Variants in TRIM48 observed in about 807,000 individuals in gnomAD.
TRIM48 encodes the protein tripartite motif containing 48, also known as E3 ubiquitin-protein ligase TRIM48.
In TRIM48, 31 loss-of-function variants were observed where a neutral mutation model predicts 29.5. That is an observed-to-expected ratio of 1.05 (90% CI 0.79 to 1.42). The LOEUF is 1.42. Among genes scored for constraint, TRIM48 ranks in the 40% most tolerant of loss-of-function variants. TRIM48 has a pLI of 0.00. For missense variants in TRIM48, 344 were observed against 265.0 expected (o/e 1.30, Z -2.07); for synonymous variants, 128 against 90.6 (o/e 1.41, Z -2.34).
intron 1 of TRIM48, among the ~76,000 whole-genome samples, chr11:55,264,516 C>A (rs1480327530): frequency 6.8e-6 from 1 of 147,846 alleles, no homozygotes; most frequent in African/African-American, 2.5e-5. Flanking sequence ...TTGGCCAAGA[C>A]AGTTTTTCCC....
chr11:55,269,417 C>T (rs1857444794), intron 5 of TRIM48, 78 bp downstream of exon 5: 1 of 1,497,852 alleles, frequency 6.7e-7, no homozygotes, highest in Admixed American at 1.8e-5. Flanking sequence ...ATATTTCATC[C>T]TTTATCAAAT....
chr11:55,266,005 A>T (rs1482778056), intron 3 of TRIM48, among the ~76,000 whole-genome samples: 1 of 147,382 alleles, frequency 6.8e-6, no homozygotes, highest in African/African-American at 2.5e-5. Flanking sequence ...CTGGTTGGAT[A>T]AATGCTGGGC....
Position 55,270,888 on chromosome 11 carries a change from C to T in TRIM48, c.*453C>T, listed in dbSNP as rs764272639. 1.3e-6 allele frequency: 2 copies of T among 1,559,178 alleles called. No individual in the cohort carries two copies. The highest frequency in any genetic ancestry group is 8.7e-7 in the Non-Finnish European group (1 of 1,145,950). ...CCCCTATATACACCATCCCTAATTG[C>T]TCCTTCTCACTTCCTCTCAGACCTA... On this transcript the variant is annotated 3_prime_UTR_variant, in exon 6 of 6. Transcript: ENST00000417545.
At chr11:55,267,483 A>G (rs1857411122) in intron 3 of TRIM48, 3 of 1,579,920 alleles carry the variant, frequency 1.9e-6, no homozygotes, top group Middle Eastern at 2.3e-4. Context: ...GAAGAAGAAA[A>G]ACATAATTTG....
rs142714208 is a variant in TRIM48 at position 55,264,009 on chromosome 11, C to T, written c.45-891C>T. On this transcript the variant is annotated intron_variant, in intron 1 of 5. Coordinates refer to ENST00000417545, the MANE Select transcript of TRIM48 (RefSeq NM_024114.5). ...AGCTCACCAACTCACATGTCTCTCT[C>T]CTCCGGAAACACCTTCACAGACCCA... Among the ~76,000 whole-genome samples the T allele has an allele frequency of 3.5e-3, 527 of 152,244 alleles. 5 individuals carry two copies. Among genetic ancestry groups the T allele is most frequent in the African/African-American group, 0.012 (507 of 41,554 alleles).
At position 55,270,998 on chromosome 11, in the gene TRIM48, C is replaced by A; in HGVS notation, c.*563C>A. ...GAACCCCTTTATCCCAGAAAGCCCTCTTCCTTGTGCCTTATCAAACAGGAC... is the reference window on the plus strand; with the variant it reads ...GAACCCCTTTATCCCAGAAAGCCCTATTCCTTGTGCCTTATCAAACAGGAC... On this transcript the variant is annotated 3_prime_UTR_variant, in exon 6 of 6. Transcript: ENST00000417545. The A allele has an allele frequency of 6.6e-7, 1 of 1,505,896 alleles. No individual in the cohort carries two copies. The highest frequency in any genetic ancestry group is 8.9e-7 in the Non-Finnish European group (1 of 1,120,670). The allele number at this position is 1,505,896 out of a possible 1,614,324, so 93.3% of individuals were successfully genotyped here.
Position 55,264,947 on chromosome 11 carries a change from G to T in TRIM48, c.92G>T (p.Cys31Phe). The T allele has an allele frequency of 1.3e-6, 2 of 1,583,988 alleles. No homozygotes were observed. The highest frequency in any genetic ancestry group is 1.7e-6 in the Non-Finnish European group (2 of 1,166,194). ...ISQVFQRELTCPICMNYFIDP... is the reference protein window; with the variant it reads ...ISQVFQRELTFPICMNYFIDP... ...CAAGTCTTCCAGAGGGAACTCACCT[G>T]CCCCATCTGCATGAACTACTTCATA... Residue 31 changes from cysteine (C) to phenylalanine (F), a missense_variant, in exon 2 of 6, where the codon TGC (cysteine) becomes TTC (phenylalanine). Physicochemically the swap from Cys to Phe is radical, Grantham distance 205 (BLOSUM62 -2). Transcript: ENST00000417545.
intron 3 of TRIM48, 71 bp from the exon 4 acceptor site, chr11:55,268,279 T>C: frequency 1.5e-6 from 2 of 1,330,442 alleles, no homozygotes; most frequent in Non-Finnish European, 2.1e-6. Context: ...TGACTCCAAA[T>C]TTCACACTGA....
rs1857311787 is a variant in TRIM48 at position 55,262,202 on chromosome 11, G to C, written c.-66G>C. On this transcript the variant is annotated 5_prime_UTR_variant, in exon 1 of 6. Transcript: ENST00000417545. ...GTGCACTTAGAGGGAGCTGTGTTTT[G>C]GTGACCTCTGAAACTCAGTACTGCA... 5.4e-6 allele frequency: 7 copies of C among 1,291,886 alleles called. No homozygotes were observed. The highest frequency in any genetic ancestry group is 7.7e-6 in the Non-Finnish European group (7 of 912,194). 80.0% of individuals were successfully genotyped at this position (1,291,886 alleles called of 1,614,324 possible).
intron 4 of TRIM48, 56 bp downstream of exon 4, chr11:55,268,428 G>A: frequency 1.4e-6 from 2 of 1,474,386 alleles, no homozygotes; most frequent in Admixed American, 3.6e-5. Flanking sequence ...GAATATCAAA[G>A]CAGGCTCTAC....
At chr11:55,269,573 T>A (rs1407981232) in intron 5 of TRIM48, among the ~76,000 whole-genome samples, 1 of 147,252 alleles carries the variant, frequency 6.8e-6, no homozygotes, top group Non-Finnish European at 1.5e-5. Flanking sequence ...AGTAATGTAA[T>A]GGGAAAAAAG....
chr11:55,270,433 G>T lies in TRIM48; in HGVS notation c.*2-4G>T, dbSNP rs1294826702. On this transcript the variant is annotated splice_polypyrimidine_tract_variant and splice_region_variant and intron_variant, in intron 5 of 5. Coordinates refer to ENST00000417545, the MANE Select transcript of TRIM48 (RefSeq NM_024114.5). ...TTCTATTTATTTATTTATTTATTTT[G>T]CAGTGGATATTACTCTGCATCACAA... 8.4e-6 allele frequency: 12 copies of T among 1,431,094 alleles called. No individual in the cohort carries two copies. The Admixed American group carries it at 1.0e-4, about 12-fold the overall frequency. The allele number at this position is 1,431,094 out of a possible 1,614,324, so 88.6% of individuals were successfully genotyped here. A position where few individuals can be genotyped will look rare whatever the true frequency, so the allele number is the denominator to read the frequency against.
In TRIM48 at chr11:55,269,046, C is replaced by T. The variant is rs1370575381; in HGVS notation, c.579-196C>T. 2.7e-5 allele frequency among the ~76,000 whole-genome samples: 4 copies of T among 148,364 alleles called. 1 individual carries two copies. Among genetic ancestry groups the T allele is most frequent in the African/African-American group, 9.9e-5 (4 of 40,570 alleles). ...AAAATAAGAAACATCAGACTGAATTCTGACTCAGACTCTCCCACTATGCTT... is the reference window on the plus strand; with the variant it reads ...AAAATAAGAAACATCAGACTGAATTTTGACTCAGACTCTCCCACTATGCTT... On this transcript the variant is annotated intron_variant, in intron 4 of 5. Transcript: ENST00000417545.
At chr11:55,263,319 A>C (rs2078059516) in intron 1 of TRIM48, among the ~76,000 whole-genome samples, 1 of 152,034 alleles carries the variant, frequency 6.6e-6, no homozygotes, top group African/African-American at 2.4e-5. Flanking sequence ...AGGCTATACC[A>C]TCTAGGTTTG....
intron 3 of TRIM48, 105 bp from the exon 4 acceptor site, chr11:55,268,245 T>C (rs1857422770): frequency 9.7e-7 from 1 of 1,034,232 alleles, no homozygotes; most frequent in Non-Finnish European, 1.5e-6. Flanking sequence ...GAGAAGAAGG[T>C]AGGGAAATAA....
intron 1 of TRIM48, among the ~76,000 whole-genome samples, chr11:55,263,659 C>T (rs1411415462): frequency 1.3e-5 from 2 of 152,072 alleles, no homozygotes; most frequent in Admixed American, 6.6e-5. Flanking sequence ...GAGTCCCCAC[C>T]TCAGAAAGTA....
rs34036307 is a variant in TRIM48 at position 55,265,797 on chromosome 11, C to CAAA, written c.555+116_555+118dup. 7.1e-3 allele frequency: 6,024 copies of CAAA among 846,180 alleles called. 24 individuals are homozygous for CAAA. The highest frequency in any genetic ancestry group is 0.013 in the South Asian group (522 of 39,026). 52.4% of individuals were successfully genotyped at this position (846,180 alleles called of 1,614,324 possible). A position where few individuals can be genotyped will look rare whatever the true frequency, so the allele number is the denominator to read the frequency against. ...ATCAAACCGTAATGTTTCTGGGAGT[C>CAAA]AAAAAAAAAAAAAAAAGAGAAGAAA... On this transcript the variant is annotated intron_variant, in intron 3 of 5. Transcript: ENST00000417545.
Position 55,267,450 on chromosome 11 carries a change from A to G in TRIM48, c.556-900A>G, listed in dbSNP as rs1373088798. On this transcript the variant is annotated intron_variant, in intron 3 of 5. Transcript: ENST00000417545. ...CTAGAAGCTATTAAAGCTGAGTATCAGAAGATGCCTGCATTTCATCATGAA... is the reference window on the plus strand; with the variant it reads ...CTAGAAGCTATTAAAGCTGAGTATCGGAAGATGCCTGCATTTCATCATGAA... 2.5e-6 allele frequency: 4 copies of G among 1,579,058 alleles called. No homozygotes were observed. The African/African-American group carries it at 5.4e-5, about 21-fold the overall frequency.
rs1482320402 is a variant in TRIM48, at chr11:55,268,385, C to G, written c.578+13C>G. ...ACATATTATACAGGTGAGTATGTAC[C>G]TGGATTTTAGCATATGTTCTTTCAC... On this transcript the variant is annotated intron_variant, in intron 4 of 5. Transcript: ENST00000417545. 2.6e-6 allele frequency: 4 copies of G among 1,546,676 alleles called. No individual in the cohort carries two copies. The African/African-American group carries it at 4.2e-5, about 16-fold the overall frequency.
Sources: allele counts gnomAD v4.1 joint callset (sites outside exome capture counted in the v4.1 genomes callset), GRCh38; gene constraint gnomAD v4.1.1; transcripts MANE v1.5; gene names NCBI Gene and HGNC (gene_info 2026-07-23, HGNC 2026-07-21).